The following PADI4 variants were observed in gnomAD, a reference collection of about 807,000 sequenced individuals.
PADI4 encodes the protein peptidyl arginine deiminase 4, also known as protein-arginine deiminase type-4.
PADI4 carries 62 observed loss-of-function variants against 75.0 expected under a neutral mutation model. The observed-to-expected ratio is 0.83, with a 90% CI of 0.67 to 1.02. PADI4 has a LOEUF of 1.02. Among genes scored for constraint, PADI4 ranks in the 50% least tolerant of loss-of-function variants. The pLI, the probability that PADI4 is intolerant of heterozygous loss-of-function variation, is 0.00. For synonymous variants in PADI4, 361 were observed against 348.1 expected (o/e 1.04, Z -0.41); for missense variants, 845 against 850.5 (o/e 0.99, Z 0.08).
At chr1:17,330,828 C>G in intron 1 of PADI4, 141 bp from the exon 2 acceptor site, 1 of 580,948 alleles carries the variant, frequency 1.7e-6, no homozygotes, top group Non-Finnish European at 2.9e-6. Flanking sequence ...CAGATACACC[C>G]AGAAAAAATA....
rs570117277 is a variant in PADI4 at position 17,356,772 on chromosome 1, G to T, written c.1558+313G>T. Among the ~76,000 whole-genome samples, 2 of 152,014 alleles carry T rather than the reference G, an allele frequency of 1.3e-5. No individual in the cohort carries two copies. Among genetic ancestry groups the T allele is most frequent in the South Asian group, 4.2e-4 (2 of 4,792 alleles). Reference sequence around the variant, plus strand: ...GCCAAGCAGTAGCATGCAAGTAGGGGTTGGCTGGGCAAACGGGGCAGGGAA... The same window carrying T: ...GCCAAGCAGTAGCATGCAAGTAGGGTTTGGCTGGGCAAACGGGGCAGGGAA... On this transcript the variant is annotated intron_variant, in intron 13 of 15. Coordinates refer to ENST00000375448, the MANE Select transcript of PADI4 (RefSeq NM_012387.3). This position sits in a 1 kb window ranked among gnomAD's most constrained non-coding sequence, Gnocchi z 4.1.
At chr1:17,345,398 G>C (rs376830473) in intron 8 of PADI4, among the ~76,000 whole-genome samples, 29 of 152,258 alleles carry the variant, frequency 1.9e-4, no homozygotes, top group Middle Eastern at 6.8e-3. Flanking sequence ...TAAGACTTTG[G>C]GGGACTGTTG....
At chr1:17,334,804 T>C (rs1397198633) in intron 3 of PADI4, 3 of 354,710 alleles carry the variant, frequency 8.5e-6, no homozygotes, top group Non-Finnish European at 1.7e-5. Flanking sequence ...CTTGACCTCA[T>C]TTTGAACAAT....
At chr1:17,317,125 C>T (rs1002327688) in intron 1 of PADI4, among the ~76,000 whole-genome samples, 7 of 152,188 alleles carry the variant, frequency 4.6e-5, no homozygotes, top group African/African-American at 1.7e-4. Flanking sequence ...GGGGTTTAGC[C>T]ATGTTGCCCA....
intron 15 of PADI4, 21 bp from the exon 16 acceptor site, chr1:17,363,501 T>A (rs756278001): frequency 6.4e-7 from 1 of 1,574,180 alleles, no homozygotes; most frequent in South Asian, 1.1e-5. Context: ...GCCTGTGACC[T>A]GAACCCTCAC....
intron 15 of PADI4, among the ~76,000 whole-genome samples, chr1:17,362,197 G>A (rs2074856494): frequency 6.6e-6 from 1 of 151,950 alleles, no homozygotes; most frequent in African/African-American, 2.4e-5. Context: ...GAGCAACATG[G>A]AGAAACTCTG....
At chr1:17,349,566 A>C (rs1167318262) in intron 10 of PADI4, among the ~76,000 whole-genome samples, 2 of 152,122 alleles carry the variant, frequency 1.3e-5, no homozygotes, top group Non-Finnish European at 2.9e-5. Flanking sequence ...TTAGCTGGGC[A>C]TGGTGGTGTG....
At chr1:17,310,285 T>C (rs979006118) in intron 1 of PADI4, among the ~76,000 whole-genome samples, 3 of 152,080 alleles carry the variant, frequency 2.0e-5, no homozygotes, top group Non-Finnish European at 2.9e-5. Flanking sequence ...AGCTAATAAG[T>C]AGGGGAGCCA....
In PADI4 at chr1:17,355,637, A is replaced by G. The variant is rs563172889; in HGVS notation, c.1311-346A>G. Among the ~76,000 whole-genome samples the G allele has an allele frequency of 3.9e-4, 59 of 152,202 alleles. 1 individual carries two copies. Among genetic ancestry groups the G allele is most frequent in the African/African-American group, 1.3e-3 (55 of 41,512 alleles). Reference sequence around the variant, plus strand: ...TCAAACAGGTGAAGGAATGTCCCCAAGGCCACATGGCTAACAAGAGATCAC... The same window carrying G: ...TCAAACAGGTGAAGGAATGTCCCCAGGGCCACATGGCTAACAAGAGATCAC... On this transcript the variant is annotated intron_variant, in intron 11 of 15. Transcript: ENST00000375448.
chr1:17,319,226 T>G (rs908257443), intron 1 of PADI4, among the ~76,000 whole-genome samples: 3 of 152,196 alleles, frequency 2.0e-5, no homozygotes, highest in Non-Finnish European at 4.4e-5. Context: ...TTTCCAGACC[T>G]CGGCCATCAT....
At position 17,356,252 on chromosome 1, in the gene PADI4, C is replaced by T. The variant is rs1203462144; in HGVS notation, c.1456-105C>T. 5.4e-6 allele frequency: 7 copies of T among 1,305,034 alleles called. No individual in the cohort carries two copies. The African/African-American group carries it at 7.3e-5, about 14-fold the overall frequency. 80.8% of individuals were successfully genotyped at this position (1,305,034 alleles called of 1,614,324 possible). ...CTTAGGATGGCAGTAGAGGAGGTGG[C>T]CAGCTTGGGTCCAAGTCCACACTAC... On this transcript the variant is annotated intron_variant, in intron 12 of 15. Coordinates refer to ENST00000375448, the MANE Select transcript of PADI4 (RefSeq NM_012387.3). This position sits in a 1 kb window ranked among gnomAD's most constrained non-coding sequence, Gnocchi z 4.1.
chr1:17,313,472 G>C (rs2073875753), intron 1 of PADI4, among the ~76,000 whole-genome samples: 1 of 127,986 alleles, frequency 7.8e-6, no homozygotes, highest in Admixed American at 9.2e-5. Context: ...CGGTACTCCA[G>C]CCTGGGCGAC....
intron 1 of PADI4, among the ~76,000 whole-genome samples, chr1:17,318,749 G>A (rs1280496979): frequency 2.0e-5 from 3 of 149,122 alleles, no homozygotes; most frequent in South Asian, 2.1e-4. Context: ...GCAGTGGCGC[G>A]ATCTTGGCTC....
chr1:17,360,137 G>A (rs1168336398), intron 15 of PADI4, among the ~76,000 whole-genome samples: 1 of 152,024 alleles, frequency 6.6e-6, no homozygotes, highest in Non-Finnish European at 1.5e-5. Context: ...CTAAAAATAC[G>A]AAAATTAGAC....
intron 10 of PADI4, among the ~76,000 whole-genome samples, chr1:17,350,758 T>C (rs1367985053): frequency 7.7e-6 from 1 of 130,574 alleles, no homozygotes; most frequent in Non-Finnish European, 1.7e-5. Flanking sequence ...GGGGCCTTGT[T>C]CTAGGCACTT....
chr1:17,334,407 A>T (rs577752932), intron 3 of PADI4: 50 of 461,314 alleles, frequency 1.1e-4, no homozygotes, highest in Non-Finnish European at 2.1e-4. Context: ...GGTTCAAGCG[A>T]TCCTCCTGCT....
intron 1 of PADI4, among the ~76,000 whole-genome samples, chr1:17,310,008 G>A (rs904673491): frequency 4.6e-5 from 7 of 152,112 alleles, no homozygotes; most frequent in Non-Finnish European, 1.0e-4. Flanking sequence ...GGGCAGAGAG[G>A]AAGGCACTGC....
Position 17,342,323 on chromosome 1 carries a change from C to T in PADI4, c.856C>T (p.Gln286Ter). ...NLELPEAVVF[Q>*]DSVVFRVAPW... is the part of the protein sequence containing the mutation. ...GGAGCTCCCCGAGGCTGTGGTGTTCCAAGACAGCGTGGTCTTCCGCGTGGC... is the reference window on the plus strand; with the variant it reads ...GGAGCTCCCCGAGGCTGTGGTGTTCTAAGACAGCGTGGTCTTCCGCGTGGC... Residue 286 changes from glutamine to a stop codon, truncating the protein, a stop_gained, in exon 8 of 16, where the codon CAA (glutamine) becomes TAA (stop). Transcript: ENST00000375448. LOFTEE classifies it high-confidence loss of function. 1 of 1,613,732 alleles carries T rather than the reference C, an allele frequency of 6.2e-7. No homozygotes were observed. Among genetic ancestry groups the T allele is most frequent in the African/African-American group, 1.3e-5 (1 of 75,006 alleles).
chr1:17,315,330 G>A (rs1157275950), intron 1 of PADI4, among the ~76,000 whole-genome samples: 1 of 152,194 alleles, frequency 6.6e-6, no homozygotes, highest in East Asian at 1.9e-4. Flanking sequence ...CACACAGGAG[G>A]TGCTATTTAA....
Sources: gnomAD v4.1 joint callset for allele counts (sites outside exome capture counted in the v4.1 genomes callset) on GRCh38, gnomAD v4.1.1 for gene constraint, Gnocchi (gnomAD v3.1) non-coding constraint, MANE v1.5 for transcripts, NCBI Gene and HGNC (gene_info 2026-07-23, HGNC 2026-07-21) for gene names.